Variants in SLC8A1 observed in about 807,000 individuals in gnomAD.
SLC8A1 encodes solute carrier family 8 member A1, also known as sodium/calcium exchanger 1.
A neutral mutation model predicts 68.3 loss-of-function variants in SLC8A1; 18 were observed. The ratio of observed to expected loss-of-function variants is 0.26; its 90% confidence interval spans 0.18 to 0.39. The LOEUF is 0.39. Among genes scored for constraint, SLC8A1 ranks in the 10% least tolerant of loss-of-function variants. The probability of loss-of-function intolerance (pLI) is 1.00; values close to 1 mark genes in which losing one functional copy is unlikely to be tolerated. For synonymous variants in SLC8A1, 475 were observed against 415.5 expected, an observed-to-expected ratio of 1.14 and a Z score of -1.74; for missense variants, 985 against 1,156.7, an observed-to-expected ratio of 0.85 and a Z score of 2.15.
intron 2 of SLC8A1, among the ~76,000 whole-genome samples, chr2:40,307,382 G>A (rs907883398): frequency 2.6e-5 from 4 of 152,174 alleles, no homozygotes; most frequent in Non-Finnish European, 4.4e-5. Context: ...CAGGGGCTGG[G>A]AGAAGGGGAA....
intron 2 of SLC8A1, among the ~76,000 whole-genome samples, chr2:40,368,849 C>G (rs188856643): frequency 2.0e-5 from 3 of 152,040 alleles, no homozygotes; most frequent in African/African-American, 7.2e-5. Context: ...ACATAAAGAC[C>G]AATAAAACAG....
At chr2:40,151,674 A>T (rs2043464925) in intron 6 of SLC8A1, among the ~76,000 whole-genome samples, 1 of 152,234 alleles carries the variant, frequency 6.6e-6, no homozygotes, top group Admixed American at 6.5e-5. Flanking sequence ...GATTAAAAAA[A>T]GACTGTGCTT....
intron 2 of SLC8A1, among the ~76,000 whole-genome samples, chr2:40,411,087 T>G (rs529167985): frequency 1.3e-5 from 2 of 152,146 alleles, no homozygotes; most frequent in African/African-American, 4.8e-5. Context: ...AAGACTTTCA[T>G]ACGAAATAAA....
At chr2:40,338,340 TG>T (rs1666668653) in intron 2 of SLC8A1, among the ~76,000 whole-genome samples, 1 of 152,184 alleles carries the variant, frequency 6.6e-6, no homozygotes, top group Non-Finnish European at 1.5e-5. Context: ...AGTGTGTGTG[TG>T]TATATATGTC....
chr2:40,198,424 T>C lies in SLC8A1; in HGVS notation c.1809-20569A>G, dbSNP rs147758169. On this transcript the variant is annotated intron_variant, in intron 2 of 7. Coordinates refer to ENST00000406785, the Ensembl canonical transcript of SLC8A1. Reference sequence around the variant, plus strand: ...CATTATATATTTATTTAGTGTGCTCTCTGAGATGCCCAAAACACTTGGTGA... The same window carrying C: ...CATTATATATTTATTTAGTGTGCTCCCTGAGATGCCCAAAACACTTGGTGA... Among the ~76,000 whole-genome samples the C allele has an allele frequency of 6.8e-3, 1,031 of 152,120 alleles. 12 individuals are homozygous for C. The highest frequency in any genetic ancestry group is 0.011 in the Non-Finnish European group (773 of 67,926).
chr2:40,220,023 A>C (rs1231714933), intron 2 of SLC8A1: 1 of 151,750 alleles, frequency 6.6e-6, no homozygotes, highest in Non-Finnish European at 1.5e-5. Context: ...CTTATGTATA[A>C]TTTTTTATCT....
intron 2 of SLC8A1, among the ~76,000 whole-genome samples, chr2:40,326,442 A>G (rs62150817): frequency 0.035 from 5,060 of 144,900 alleles, 83 homozygotes; most frequent in Middle Eastern, 0.062. Flanking sequence ...GCAGCAGGGA[A>G]GAGATAAAAA....
At chr2:40,383,871 T>C (rs542991268) in intron 2 of SLC8A1, among the ~76,000 whole-genome samples, 1 of 152,264 alleles carries the variant, frequency 6.6e-6, no homozygotes, top group South Asian at 2.1e-4. Context: ...ATTTTAGAGA[T>C]ACAATGTAGT....
At chr2:40,430,288 C>T in exon 2 of SLC8A1, 1 of 1,598,012 alleles carries the variant, frequency 6.3e-7, no homozygotes, top group Non-Finnish European at 8.5e-7. Flanking sequence ...CATGACACTT[C>T]CAACTGTCAC....
At chr2:40,237,313 C>T (rs887518342) in intron 2 of SLC8A1, among the ~76,000 whole-genome samples, 3 of 151,696 alleles carry the variant, frequency 2.0e-5, no homozygotes, top group Non-Finnish European at 4.4e-5. Context: ...TCTTTTTATT[C>T]TTTTTTCTCT....
At chr2:40,344,602 G>A (rs543592834) in intron 2 of SLC8A1, among the ~76,000 whole-genome samples, 3 of 152,248 alleles carry the variant, frequency 2.0e-5, no homozygotes, top group South Asian at 2.1e-4. Flanking sequence ...TACTCAAAAA[G>A]CATCTGTTGA....
chr2:40,235,206 T>G (rs1007172756), intron 2 of SLC8A1, among the ~76,000 whole-genome samples: 8 of 152,168 alleles, frequency 5.3e-5, no homozygotes, highest in Non-Finnish European at 1.0e-4. Context: ...CTGGTAGAAT[T>G]TGGCTGTGAA....
chr2:40,195,330 G>A (rs1461242032), intron 2 of SLC8A1, among the ~76,000 whole-genome samples: 4 of 152,000 alleles, frequency 2.6e-5, no homozygotes, highest in African/African-American at 9.7e-5. Context: ...TTCAGAGACC[G>A]ATGATCAACA....
intron 2 of SLC8A1, among the ~76,000 whole-genome samples, chr2:40,367,052 T>G (rs1676444418): frequency 6.6e-6 from 1 of 152,020 alleles, no homozygotes; most frequent in Non-Finnish European, 1.5e-5. Flanking sequence ...AATGAATTAC[T>G]GAGGTTCTGG....
intron 1 of SLC8A1, among the ~76,000 whole-genome samples, chr2:40,475,884 A>AAAAAACATAACTTTCTAT (rs1704274499): frequency 6.6e-6 from 1 of 151,976 alleles, no homozygotes; most frequent in Non-Finnish European, 1.5e-5. Context: ...ATTTTCCCCC[A>AAAAAACATAACTTTCTAT]AAAAACATAA....
rs116071433 is a variant in SLC8A1 at position 40,406,443 on chromosome 2, A to C, written c.1808+22030T>G. Among the ~76,000 whole-genome samples, 767 of 152,274 alleles carry C rather than the reference A, an allele frequency of 5.0e-3. 7 individuals carry two copies. The highest frequency in any genetic ancestry group is 0.018 in the African/African-American group (743 of 41,574). On this transcript the variant is annotated intron_variant, in intron 2 of 7. Coordinates refer to ENST00000406785, the Ensembl canonical transcript of SLC8A1. Reference sequence around the variant, plus strand: ...ATTTATTGTATAATGGATGTATAATAAATAAACGTCAGAAAATTTCAAAAC... The same window carrying C: ...ATTTATTGTATAATGGATGTATAATCAATAAACGTCAGAAAATTTCAAAAC...
Position 40,492,106 on chromosome 2 carries a change from A to G in SLC8A1, c.-25+20243T>C, listed in dbSNP as rs567349070. Among the ~76,000 whole-genome samples, 639 of 152,216 alleles carry G rather than the reference A, an allele frequency of 4.2e-3. 6 individuals carry two copies. The highest frequency in any genetic ancestry group is 0.014 in the African/African-American group (590 of 41,516). Reference sequence around the variant, plus strand: ...TGACTTCAAACTATACTACAAGGCTACAGTAACCAAAACAGCATGGTACTG... The same window carrying G: ...TGACTTCAAACTATACTACAAGGCTGCAGTAACCAAAACAGCATGGTACTG... On this transcript the variant is annotated intron_variant, in intron 1 of 7. Transcript: ENST00000402441.
chr2:40,104,293 A>T (rs913891204), exon 8 of SLC8A1: 4 of 152,212 alleles, frequency 2.6e-5, no homozygotes, highest in Admixed American at 1.3e-4. Flanking sequence ...ATGAATTAGC[A>T]TCAACACCTA....
At chr2:40,178,003 G>C (rs745388264) in intron 2 of SLC8A1, 1 of 624,322 alleles carries the variant, frequency 1.6e-6, no homozygotes, top group Non-Finnish European at 2.9e-6. Context: ...GGGCATCTTG[G>C]GTACTCTTGG....
Sources: gnomAD v4.1 joint callset for allele counts (sites outside exome capture counted in the v4.1 genomes callset) on GRCh38, gnomAD v4.1.1 for gene constraint, MANE v1.5 for transcripts, NCBI Gene and HGNC (gene_info 2026-07-23, HGNC 2026-07-21) for gene names.